ROBO2: variants seen among roughly 807,000 people sequenced by gnomAD.
ROBO2 encodes the protein roundabout guidance receptor 2, also known as roundabout homolog 2.
In ROBO2, 53 loss-of-function variants were observed where a neutral mutation model predicts 160.8. The observed-to-expected ratio is 0.33, with a 90% CI of 0.26 to 0.41. ROBO2 has a LOEUF of 0.41. Among genes scored for constraint, ROBO2 ranks in the 10% least tolerant of loss-of-function variants. The pLI, the probability that ROBO2 is intolerant of heterozygous loss-of-function variation, is 1.00. For missense variants in ROBO2, 1,577 were observed against 1,722.4 expected, an observed-to-expected ratio of 0.92 and a Z score of 1.49; for synonymous variants, 664 against 611.7, an observed-to-expected ratio of 1.09 and a Z score of -1.26.
intron 2 of ROBO2, among the ~76,000 whole-genome samples, chr3:77,322,803 TTA>T (rs1351359010): frequency 2.3e-5 from 3 of 132,894 alleles, no homozygotes; most frequent in South Asian, 2.2e-4. Flanking sequence ...ATGTAATATA[TTA>T]TATTATACAT....
chr3:76,525,136 A>T (rs538591880), intron 2 of ROBO2, among the ~76,000 whole-genome samples: 89 of 151,948 alleles, frequency 5.9e-4, no homozygotes, highest in African/African-American at 1.9e-3. Flanking sequence ...CCCATTTTTT[A>T]AAATATCTAG....
intron 2 of ROBO2, among the ~76,000 whole-genome samples, chr3:77,243,140 C>A (rs1201009781): frequency 6.6e-6 from 1 of 151,842 alleles, no homozygotes; most frequent in African/African-American, 2.4e-5. Context: ...AAAGCGTCAT[C>A]CATCTTTTTC....
intron 2 of ROBO2, among the ~76,000 whole-genome samples, chr3:76,560,933 GATATATATAT>G (rs10581875): frequency 0.11 from 13,758 of 127,958 alleles, 1,078 homozygotes; most frequent in African/African-American, 0.22. Flanking sequence ...TAAGAAGTAA[GATATATATAT>G]ATATATATAT....
intron 23 of ROBO2, among the ~76,000 whole-genome samples, chr3:77,626,279 TG>T (rs2095024087): frequency 6.6e-6 from 1 of 152,212 alleles, no homozygotes; most frequent in Non-Finnish European, 1.5e-5. Context: ...TAATTTTAGA[TG>T]TGACTTTTGT....
chr3:76,815,485 A>G (rs2065585723), intron 2 of ROBO2, among the ~76,000 whole-genome samples: 2 of 152,070 alleles, frequency 1.3e-5, no homozygotes, highest in Admixed American at 1.3e-4. Context: ...TCAAGAAACA[A>G]CTTTGATTAA....
chr3:76,827,444 C>T (rs1286915946), intron 2 of ROBO2, among the ~76,000 whole-genome samples: 1 of 152,110 alleles, frequency 6.6e-6, no homozygotes, highest in Non-Finnish European at 1.5e-5. Context: ...TCCCTATTCT[C>T]AAGATGTTCT....
chr3:76,256,336 TCTCTCTCTCTCTCTC>T (rs763274019), intron 2 of ROBO2, among the ~76,000 whole-genome samples: 1,145 of 95,332 alleles, frequency 0.012, 14 homozygotes, highest in Middle Eastern at 0.029. Context: ...TCTCTCTCTC[TCTCTCTCTCTCTCTC>T]TCACATACAC....
chr3:76,794,289 T>C (rs1560573013), intron 2 of ROBO2, among the ~76,000 whole-genome samples: 1 of 151,958 alleles, frequency 6.6e-6, no homozygotes, highest in East Asian at 1.9e-4. Context: ...TAATAACTGA[T>C]CCTAGCAAGC....
intron 1 of ROBO2, among the ~76,000 whole-genome samples, chr3:75,916,985 A>G (rs1222578190): frequency 5.0e-5 from 2 of 39,674 alleles, no homozygotes; most frequent in East Asian, 1.3e-3. Flanking sequence ...TGTTTTCTAT[A>G]TATATATACA....
intron 2 of ROBO2, among the ~76,000 whole-genome samples, chr3:77,399,844 C>A (rs1437211573): frequency 6.6e-6 from 1 of 152,004 alleles, no homozygotes; most frequent in East Asian, 1.9e-4. Flanking sequence ...AAACTGAGGC[C>A]CCAGAAACCC....
chr3:76,522,253 A>G (rs1257195301), intron 2 of ROBO2, among the ~76,000 whole-genome samples: 2 of 152,120 alleles, frequency 1.3e-5, no homozygotes, highest in Non-Finnish European at 2.9e-5. Flanking sequence ...TAGAGAAGTA[A>G]ATCTATTCTC....
At chr3:76,058,418 T>G (rs767438449) in intron 2 of ROBO2, among the ~76,000 whole-genome samples, 27 of 152,100 alleles carry the variant, frequency 1.8e-4, no homozygotes, top group Non-Finnish European at 3.4e-4. Flanking sequence ...CTACTGAATG[T>G]TTTTAAAAGT....
At chr3:76,670,913 A>T (rs2092239138) in intron 2 of ROBO2, among the ~76,000 whole-genome samples, 1 of 148,498 alleles carries the variant, frequency 6.7e-6, no homozygotes, top group African/African-American at 2.4e-5. Flanking sequence ...AAAATGAATG[A>T]TTTATTTTAG....
At chr3:76,974,868 A>G (rs1290555974) in intron 2 of ROBO2, among the ~76,000 whole-genome samples, 1 of 152,182 alleles carries the variant, frequency 6.6e-6, no homozygotes, top group Non-Finnish European at 1.5e-5. Flanking sequence ...AAGCAAAAGT[A>G]GTAAACAGCT....
intron 3 of ROBO2, 21 bp from the exon 4 acceptor site, chr3:77,481,078 C>T (rs771886885): frequency 6.2e-7 from 1 of 1,601,910 alleles, no homozygotes; most frequent in African/African-American, 1.3e-5. Flanking sequence ...CTTCTCTTTT[C>T]TTTTTGTTTG....
At chr3:77,217,434 T>G (rs1347862560) in intron 2 of ROBO2, among the ~76,000 whole-genome samples, 1 of 152,120 alleles carries the variant, frequency 6.6e-6, no homozygotes, top group African/African-American at 2.4e-5. Context: ...TGGGCCACCA[T>G]GCCTGGCCGA....
chr3:75,987,065 T>C (rs1178914150), intron 2 of ROBO2, among the ~76,000 whole-genome samples: 1 of 151,876 alleles, frequency 6.6e-6, no homozygotes, highest in South Asian at 2.1e-4. Flanking sequence ...CCTTGATTTT[T>C]CATATACATT....
chr3:77,430,444 A>C (rs2078656169), intron 2 of ROBO2, among the ~76,000 whole-genome samples: 1 of 152,104 alleles, frequency 6.6e-6, no homozygotes, highest in African/African-American at 2.4e-5. Flanking sequence ...GTGTATGTAC[A>C]TATTAATGTA....
chr3:77,546,673 T>G (rs1359057816), intron 7 of ROBO2, among the ~76,000 whole-genome samples: 1 of 152,118 alleles, frequency 6.6e-6, no homozygotes, highest in Non-Finnish European at 1.5e-5. Context: ...AAATTCTGTC[T>G]CTTACATAGA....
Sources: allele counts gnomAD v4.1 joint callset (sites outside exome capture counted in the v4.1 genomes callset), GRCh38; gene constraint gnomAD v4.1.1; transcripts MANE v1.5; gene names NCBI Gene and HGNC (gene_info 2026-07-23, HGNC 2026-07-21).